Variants in EPHA3 observed in about 807,000 individuals in gnomAD.
The protein encoded by EPHA3 is EPH receptor A3.
EPHA3 carries 42 observed loss-of-function variants against 107.1 expected under a neutral mutation model. That is an observed-to-expected ratio of 0.39 (90% CI 0.31 to 0.51). The LOEUF (loss-of-function observed/expected upper bound fraction) is 0.51. Ranked by LOEUF, EPHA3 falls within the 20% of genes least tolerant of loss-of-function variation. The pLI is 0.78. For missense variants in EPHA3, 1,183 were observed against 1,211.2 expected (o/e 0.98, Z 0.35); for synonymous variants, 461 against 424.8 (o/e 1.09, Z -1.05).
At chr3:89,395,492 G>A (rs995537585) in intron 5 of EPHA3, among the ~76,000 whole-genome samples, 1 of 152,136 alleles carries the variant, frequency 6.6e-6, no homozygotes, top group Non-Finnish European at 1.5e-5. Context: ...TAGTCCTGAT[G>A]TTTTGTTCTT....
intron 3 of EPHA3, among the ~76,000 whole-genome samples, chr3:89,211,731 CT>C: frequency 9.7e-5 from 1 of 10,322 alleles, no homozygotes; most frequent in East Asian, 2.0e-3. Context: ...TCTTTTTCTT[CT>C]TCTTCTTCTC....
intron 1 of EPHA3, among the ~76,000 whole-genome samples, chr3:89,116,072 C>T (rs986213115): frequency 1.3e-5 from 2 of 152,074 alleles, no homozygotes; most frequent in Non-Finnish European, 2.9e-5. Context: ...GGGGGGGACC[C>T]ACTAAGAAAC....
chr3:89,460,351 A>G (rs1172189595), intron 15 of EPHA3, among the ~76,000 whole-genome samples: 1 of 131,600 alleles, frequency 7.6e-6, no homozygotes, highest in Non-Finnish European at 1.6e-5. Flanking sequence ...AAGGCAACAC[A>G]ATTCATGACA....
intron 5 of EPHA3, among the ~76,000 whole-genome samples, chr3:89,349,791 A>G (rs1299585191): frequency 1.1e-4 from 16 of 147,402 alleles, no homozygotes; most frequent in African/African-American, 3.7e-4. Context: ...TTCCTTCAGG[A>G]GCTCTTTTAG....
chr3:89,275,512 G>A (rs1423471241), intron 3 of EPHA3, among the ~76,000 whole-genome samples: 1 of 152,018 alleles, frequency 6.6e-6, no homozygotes, highest in Non-Finnish European at 1.5e-5. Context: ...TGAGGATTAG[G>A]TATCTTATCT....
intron 2 of EPHA3, among the ~76,000 whole-genome samples, chr3:89,178,028 G>A (rs1365228805): frequency 5.3e-5 from 8 of 151,986 alleles, no homozygotes; most frequent in African/African-American, 7.2e-5. Context: ...AATCCCAAGG[G>A]GTGAACTAAA....
chr3:89,436,703 G>A (rs1463109994), intron 13 of EPHA3, among the ~76,000 whole-genome samples: 1 of 152,134 alleles, frequency 6.6e-6, no homozygotes, highest in Non-Finnish European at 1.5e-5. Context: ...AGGAGTTGAG[G>A]AAACACCTAA....
rs1183692380 is a variant in EPHA3, at chr3:89,362,220, T to C, written c.1306+20130T>C. On this transcript the variant is annotated intron_variant, in intron 5 of 16. Transcript: ENST00000336596. ...TTCATTTCTTTTTGGGTTGAACATA[T>C]CTGCTATCTTGAGGAATGAACCATG... is the stretch of plus-strand genomic sequence containing the variant. Among the ~76,000 whole-genome samples, 3 of 151,132 alleles carry C rather than the reference T, an allele frequency of 2.0e-5. 1 individual carries two copies. In the Admixed American group the frequency reaches 2.0e-4, roughly 10 times the overall value.
intron 7 of EPHA3, among the ~76,000 whole-genome samples, chr3:89,402,403 T>G (rs1708982024): frequency 6.6e-6 from 1 of 152,172 alleles, no homozygotes; most frequent in Non-Finnish European, 1.5e-5. Flanking sequence ...TTTTAATCTT[T>G]TTACAAAAGT....
chr3:89,158,263 C>G (rs780589883), intron 2 of EPHA3, among the ~76,000 whole-genome samples: 1 of 152,024 alleles, frequency 6.6e-6, no homozygotes, highest in African/African-American at 2.4e-5. Context: ...TTTTTAGATG[C>G]GTCTTTAAAA....
At chr3:89,295,177 A>G (rs1706316488) in intron 3 of EPHA3, among the ~76,000 whole-genome samples, 1 of 152,126 alleles carries the variant, frequency 6.6e-6, no homozygotes, top group South Asian at 2.1e-4. Context: ...TATGAAGGTT[A>G]TGTTTACTCT....
At chr3:89,310,256 T>C (rs1249523270) in intron 3 of EPHA3, among the ~76,000 whole-genome samples, 1 of 151,964 alleles carries the variant, frequency 6.6e-6, no homozygotes, top group African/African-American at 2.4e-5. Context: ...TGAGTACTAA[T>C]TGTAAGGGAT....
At chr3:89,216,726 C>A (rs1188692359) in intron 3 of EPHA3, among the ~76,000 whole-genome samples, 2 of 152,096 alleles carry the variant, frequency 1.3e-5, no homozygotes, top group East Asian at 1.9e-4. Context: ...CAAACTTATC[C>A]TTTTTACTCT....
At chr3:89,251,428 AT>A (rs1321310936) in intron 3 of EPHA3, among the ~76,000 whole-genome samples, 1 of 152,110 alleles carries the variant, frequency 6.6e-6, no homozygotes, top group Admixed American at 6.5e-5. Context: ...AATTTATCAT[AT>A]ATAAATTGAA....
In EPHA3 at chr3:89,110,099, A is replaced by C. The variant is rs139786052; in HGVS notation, c.88+2263A>C. ...ATTCTTTTGAAAATGTATATATGAG[A>C]GGAGTGGTGATTTAAAAATGGTATT... On this transcript the variant is annotated intron_variant, in intron 1 of 16. Transcript: ENST00000336596. Among the ~76,000 whole-genome samples, 8 of 152,118 alleles carry C rather than the reference A, an allele frequency of 5.3e-5. No individual in the cohort carries two copies. In the East Asian group the frequency reaches 1.5e-3, roughly 29 times the overall value.
intron 16 of EPHA3, among the ~76,000 whole-genome samples, chr3:89,475,078 C>T (rs1710480794): frequency 6.6e-6 from 1 of 152,176 alleles, no homozygotes; most frequent in Admixed American, 6.5e-5. Context: ...TTGAAAGGAG[C>T]TGCTTTTTTC....
At chr3:89,367,913 T>G (rs1000270049) in intron 5 of EPHA3, among the ~76,000 whole-genome samples, 12 of 150,744 alleles carry the variant, frequency 8.0e-5, no homozygotes, top group African/African-American at 2.7e-4. Flanking sequence ...CTTATGGTGC[T>G]CCTCTGTTCT....
At chr3:89,149,972 T>C (rs1576185569) in intron 2 of EPHA3, among the ~76,000 whole-genome samples, 1 of 152,108 alleles carries the variant, frequency 6.6e-6, no homozygotes, top group East Asian at 1.9e-4. Context: ...AATATATTTC[T>C]GTGTACAAGT....
intron 2 of EPHA3, among the ~76,000 whole-genome samples, chr3:89,161,348 A>T (rs1411194894): frequency 6.6e-6 from 1 of 152,174 alleles, no homozygotes; most frequent in East Asian, 1.9e-4. Flanking sequence ...AGCCATTAAT[A>T]GTATTAGTTA....
Sources: gnomAD v4.1 joint callset for allele counts (sites outside exome capture counted in the v4.1 genomes callset) on GRCh38, gnomAD v4.1.1 for gene constraint, MANE v1.5 for transcripts, NCBI Gene and HGNC (gene_info 2026-07-23, HGNC 2026-07-21) for gene names.